ADAMTS12: variants seen among roughly 807,000 people sequenced by gnomAD.
ADAMTS12 encodes the protein A disintegrin and metalloproteinase with thrombospondin motifs 12.
In ADAMTS12, 118 loss-of-function variants were observed where a neutral mutation model predicts 167.8. The observed-to-expected ratio is 0.70, with a 90% CI of 0.61 to 0.82. ADAMTS12 has a LOEUF of 0.82. Among genes scored for constraint, ADAMTS12 ranks in the 40% least tolerant of loss-of-function variants. ADAMTS12 has a pLI of 0.00. For synonymous variants in ADAMTS12, 704 were observed against 716.9 expected, an observed-to-expected ratio of 0.98 and a Z score of 0.29; for missense variants, 1,916 against 1,998.8, an observed-to-expected ratio of 0.96 and a Z score of 0.79.
At position 33,576,106 on chromosome 5, in the gene ADAMTS12, T is replaced by G. The variant is rs1746694983; in HGVS notation, c.3920A>C (p.Gln1307Pro). ...TGCAGAGCCGTGGCCGTTTGTGAGC[T>G]GCTTGTAATTGGAGGCATTTAGCAA... is the stretch of plus-strand genomic sequence containing the variant. ...GFLLNASNYK[Q>P]LTNGHGSAHW... Residue 1307 changes from glutamine (Q) to proline (P), a missense_variant, in exon 19 of 24, where the codon CAG becomes CCG. Transcript: ENST00000504830. 7 of 1,614,204 alleles carry G rather than the reference T, an allele frequency of 4.3e-6. No individual in the cohort carries two copies. Among genetic ancestry groups the G allele is most frequent in the Non-Finnish European group, 5.1e-6 (6 of 1,180,026 alleles).
chr5:33,796,203 C>T (rs1388398018), intron 2 of ADAMTS12, among the ~76,000 whole-genome samples: 1 of 152,162 alleles, frequency 6.6e-6, no homozygotes, highest in Non-Finnish European at 1.5e-5. Flanking sequence ...CAGCATAAAG[C>T]GTGGCATACT....
At chr5:33,860,362 A>C (rs1749563543) in intron 2 of ADAMTS12, among the ~76,000 whole-genome samples, 1 of 152,236 alleles carries the variant, frequency 6.6e-6, no homozygotes, top group Non-Finnish European at 1.5e-5. Context: ...AACTTCGTGA[A>C]GCATACACAA....
chr5:33,643,782 A>G (rs1740559953), intron 9 of ADAMTS12, among the ~76,000 whole-genome samples: 1 of 152,240 alleles, frequency 6.6e-6, no homozygotes, highest in Admixed American at 6.5e-5. Context: ...GCTCTTGGGA[A>G]AGGTAACTGG....
rs140584762 is a variant in ADAMTS12 at position 33,578,856 on chromosome 5, A to G, written c.2866-1696T>C. ...GGAGTGTCGAACTGTGTTTGGACCC[A>G]ACCAGTGAAGCTGTGGATTTAAGAT... On this transcript the variant is annotated intron_variant, in intron 18 of 23. Coordinates refer to ENST00000504830, the MANE Select transcript of ADAMTS12 (RefSeq NM_030955.4). Among the ~76,000 whole-genome samples the G allele has an allele frequency of 2.2e-3, 339 of 152,356 alleles. 2 individuals carry two copies. Among genetic ancestry groups the G allele is most frequent in the African/African-American group, 7.2e-3 (299 of 41,592 alleles).
In ADAMTS12 at chr5:33,849,510, AAT is replaced by A. The variant is rs200509553; in HGVS notation, c.489+31607_489+31608del. 3.6e-4 allele frequency among the ~76,000 whole-genome samples: 48 copies of A among 133,820 alleles called. 2 individuals are homozygous for A. The highest frequency in any genetic ancestry group is 1.3e-3 in the South Asian group (6 of 4,624). The allele number at this position is 133,820 out of a possible 152,430, so 87.8% of individuals were successfully genotyped here. A position where few individuals can be genotyped will look rare whatever the true frequency, so the allele number is the denominator to read the frequency against. ...AATATATATATATGTATTGCATAGC[AAT>A]ATATATATATGTATTGCATAGCAAT... On this transcript the variant is annotated intron_variant, in intron 2 of 23. Coordinates refer to ENST00000504830, the MANE Select transcript of ADAMTS12 (RefSeq NM_030955.4).
chr5:33,802,191 TTC>T (rs538225808), intron 2 of ADAMTS12, among the ~76,000 whole-genome samples: 44 of 152,290 alleles, frequency 2.9e-4, no homozygotes, highest in Admixed American at 2.6e-3. Flanking sequence ...AGAAATAAAT[TTC>T]TGTTATTGAT....
intron 5 of ADAMTS12, among the ~76,000 whole-genome samples, chr5:33,667,003 TAGTTAGGAG>T (rs1741497767): frequency 6.6e-6 from 1 of 152,210 alleles, no homozygotes; most frequent in Admixed American, 6.5e-5. Flanking sequence ...GAAGTATTAA[TAGTTAGGAG>T]AGTGATGATT....
chr5:33,786,430 A>G (rs1746326076), intron 2 of ADAMTS12, among the ~76,000 whole-genome samples: 1 of 151,910 alleles, frequency 6.6e-6, no homozygotes, highest in South Asian at 2.1e-4. Context: ...AGAAGAGGAC[A>G]GAAGGCAGCA....
At chr5:33,830,768 G>A (rs1290919494) in intron 2 of ADAMTS12, among the ~76,000 whole-genome samples, 3 of 152,032 alleles carry the variant, frequency 2.0e-5, no homozygotes, top group African/African-American at 7.3e-5. Context: ...CTCCAGCCTA[G>A]GCAACACAGC....
At chr5:33,682,894 C>A in intron 5 of ADAMTS12, 124 bp downstream of exon 5, 1 of 695,924 alleles carries the variant, frequency 1.4e-6, no homozygotes, top group Non-Finnish European at 2.4e-6. Flanking sequence ...TAATATTTTC[C>A]TTCTCGATGG....
intron 2 of ADAMTS12, among the ~76,000 whole-genome samples, chr5:33,809,777 G>A (rs571866418): frequency 1.3e-5 from 2 of 152,166 alleles, no homozygotes; most frequent in South Asian, 2.1e-4. Context: ...ATGATAGTCA[G>A]GGTCAGGCTC....
intron 3 of ADAMTS12, among the ~76,000 whole-genome samples, chr5:33,705,277 G>GTA (rs1342892628): frequency 6.6e-6 from 1 of 151,192 alleles, no homozygotes; most frequent in Non-Finnish European, 1.5e-5. Context: ...GTGTGTGTGT[G>GTA]TGTGTGTGTG....
intron 2 of ADAMTS12, among the ~76,000 whole-genome samples, chr5:33,785,461 G>GTACGTGTGTGTTTGTGTGTGTGCA (rs1746293428): frequency 6.6e-6 from 1 of 152,126 alleles, no homozygotes; most frequent in Non-Finnish European, 1.5e-5. Flanking sequence ...ATGTGTGTGT[G>GTACGTGTGTGTTTGTGTGTGTGCA]TACGTGTGTG....
chr5:33,704,103 A>G (rs1743101274), intron 3 of ADAMTS12, among the ~76,000 whole-genome samples: 1 of 152,316 alleles, frequency 6.6e-6, no homozygotes, highest in Admixed American at 6.5e-5. Context: ...CACTCATTCT[A>G]TTCTACAGAA....
At chr5:33,626,170 G>A (rs1171973050) in intron 13 of ADAMTS12, among the ~76,000 whole-genome samples, 1 of 152,212 alleles carries the variant, frequency 6.6e-6, no homozygotes, top group Non-Finnish European at 1.5e-5. Context: ...GAACAGTGAT[G>A]GTAGTGGTGG....
rs772795857 is a variant in ADAMTS12, at chr5:33,637,688, C to T, written c.1777G>A (p.Val593Ile). The T allele has an allele frequency of 1.1e-5, 18 of 1,613,598 alleles. No individual in the cohort carries two copies. In the Admixed American group the frequency reaches 1.3e-4, roughly 12 times the overall value. ...GGTGCCTCTGAGCGACAGGGGTGGA[C>T]GTTGCACAAGCGATAGCGTTTTCTT... ...GERKRYRLCNVHPCRSEAPTF... is the reference protein window; with the variant it reads ...GERKRYRLCNIHPCRSEAPTF... The change falls in exon 12 of 24, where the codon GTC becomes ATC. Residue 593 changes from valine (V) to isoleucine (I), a missense_variant. Coordinates refer to ENST00000504830, the MANE Select transcript of ADAMTS12 (RefSeq NM_030955.4).
intron 18 of ADAMTS12, among the ~76,000 whole-genome samples, chr5:33,587,097 A>G (rs929155444): frequency 1.3e-5 from 2 of 151,760 alleles, no homozygotes; most frequent in African/African-American, 2.4e-5. Flanking sequence ...GTACAGATTC[A>G]GAAGGTAAAT....
At chr5:33,864,997 A>C (rs1749763135) in intron 2 of ADAMTS12, among the ~76,000 whole-genome samples, 1 of 152,160 alleles carries the variant, frequency 6.6e-6, no homozygotes, top group Non-Finnish European at 1.5e-5. Context: ...AAATAAAAAA[A>C]AAAGATCAGA....
chr5:33,806,764 T>C (rs1380207518), intron 2 of ADAMTS12, among the ~76,000 whole-genome samples: 1 of 152,204 alleles, frequency 6.6e-6, no homozygotes, highest in Non-Finnish European at 1.5e-5. Context: ...AGAAAACGAA[T>C]ACTGTCATGT....
Sources: allele counts gnomAD v4.1 joint callset (sites outside exome capture counted in the v4.1 genomes callset), GRCh38; gene constraint gnomAD v4.1.1; transcripts MANE v1.5; gene names NCBI Gene and HGNC (gene_info 2026-07-23, HGNC 2026-07-21).